Variants in MYO3B observed in about 807,000 individuals in gnomAD.
MYO3B encodes myosin IIIB, also known as myosin-IIIb.
A neutral mutation model predicts 174.6 loss-of-function variants in MYO3B; 156 were observed. The observed-to-expected ratio is 0.89, with a 90% CI of 0.78 to 1.02. The LOEUF is 1.02. MYO3B is among the 50% of genes least tolerant of loss of function. MYO3B has a pLI of 0.00. For missense variants in MYO3B, 1,632 were observed against 1,639.4 expected (o/e 1.00, Z 0.08); for synonymous variants, 563 against 569.1 (o/e 0.99, Z 0.15).
chr2:170,393,290 G>C (rs2094425608), intron 16 of MYO3B, among the ~76,000 whole-genome samples: 1 of 151,744 alleles, frequency 6.6e-6, no homozygotes, highest in Admixed American at 6.6e-5. Context: ...CACCATGTTG[G>C]CCAAGCTGGT....
intron 7 of MYO3B, among the ~76,000 whole-genome samples, chr2:170,324,327 C>T (rs2093849856): frequency 6.6e-6 from 1 of 152,138 alleles, no homozygotes; most frequent in Non-Finnish European, 1.5e-5. Context: ...CAAAAGGATG[C>T]CTCACAGAAC....
chr2:170,401,473 T>G lies in MYO3B; in HGVS notation c.1919-8T>G, dbSNP rs1362153765. 2 of 1,613,688 alleles carry G rather than the reference T, an allele frequency of 1.2e-6. No homozygotes were observed. Among genetic ancestry groups the G allele is most frequent in the Non-Finnish European group, 8.5e-7 (1 of 1,179,744 alleles). ...TACATTCTGTGTTATCCTTACTCTT[T>G]GTTTCAGCTGCCTCTGTTCTGTGCA... On this transcript the variant is annotated splice_polypyrimidine_tract_variant and splice_region_variant and intron_variant, in intron 17 of 34. Coordinates refer to ENST00000408978, the MANE Select transcript of MYO3B (RefSeq NM_138995.5).
In MYO3B at chr2:170,513,454, C is replaced by G. The variant is rs183944247; in HGVS notation, c.3371-1467C>G. Among the ~76,000 whole-genome samples the G allele has an allele frequency of 5.9e-5, 9 of 152,284 alleles. No individual in the cohort carries two copies. In the East Asian group the frequency reaches 1.5e-3, roughly 26 times the overall value. On this transcript the variant is annotated intron_variant, in intron 28 of 34. Transcript: ENST00000408978. ...CAGTTTCCATTGCCATATGCGTTCT[C>G]ACTGAGTCTCTCTGTGTCTTCACGT...
chr2:170,466,529 C>A lies in MYO3B; in HGVS notation c.2832C>A (p.Ser944=). 1 of 1,614,146 alleles carries A rather than the reference C, an allele frequency of 6.2e-7. No individual in the cohort carries two copies. Among genetic ancestry groups the A allele is most frequent in the East Asian group, 2.2e-5 (1 of 44,880 alleles). ...YFRYSLMDLL[S]KMVVGQPHFV... ...AGTATTCTCTGATGGACCTGCTCTCCAAAATGGTGGTTGGACAGCCCCACT... is the reference window on the plus strand; with the variant it reads ...AGTATTCTCTGATGGACCTGCTCTCAAAAATGGTGGTTGGACAGCCCCACT... Residue 944 remains serine, a synonymous_variant, in exon 25 of 35, where the codon TCC becomes TCA. Transcript: ENST00000408978.
At chr2:170,335,735 A>C (rs1435451521) in intron 8 of MYO3B, among the ~76,000 whole-genome samples, 1 of 152,164 alleles carries the variant, frequency 6.6e-6, no homozygotes, top group Admixed American at 6.6e-5. Flanking sequence ...TGTCATGTTT[A>C]ATGGGGAGAG....
chr2:170,444,565 C>T (rs1323843487), intron 23 of MYO3B, among the ~76,000 whole-genome samples: 1 of 152,140 alleles, frequency 6.6e-6, no homozygotes, highest in Non-Finnish European at 1.5e-5. Flanking sequence ...ACACAGTTAT[C>T]TTGAAGGTGT....
At chr2:170,497,061 T>C (rs1686895389) in intron 25 of MYO3B, among the ~76,000 whole-genome samples, 2 of 152,006 alleles carry the variant, frequency 1.3e-5, no homozygotes, top group South Asian at 2.1e-4. Flanking sequence ...TTTGAGAAAA[T>C]AGCAGAGGTA....
chr2:170,551,871 A>G (rs1690945706), intron 32 of MYO3B, among the ~76,000 whole-genome samples: 1 of 151,580 alleles, frequency 6.6e-6, no homozygotes. Flanking sequence ...CATGATTGTG[A>G]ATGAGTTCTT....
At chr2:170,207,329 T>C (rs2092723323) in intron 3 of MYO3B, among the ~76,000 whole-genome samples, 1 of 152,012 alleles carries the variant, frequency 6.6e-6, no homozygotes, top group Non-Finnish European at 1.5e-5. Context: ...TGCATGACCA[T>C]TTGGAGTTTG....
chr2:170,548,407 A>T (rs1310515133), intron 32 of MYO3B, among the ~76,000 whole-genome samples: 1 of 152,216 alleles, frequency 6.6e-6, no homozygotes, highest in East Asian at 1.9e-4. Flanking sequence ...CTCATTCAGC[A>T]GGTCTGAGTG....
intron 29 of MYO3B, among the ~76,000 whole-genome samples, chr2:170,517,850 G>A (rs1688420053): frequency 6.6e-6 from 1 of 151,602 alleles, no homozygotes. Context: ...TCTAACTAGA[G>A]GATTTTATCA....
intron 25 of MYO3B, among the ~76,000 whole-genome samples, chr2:170,483,839 G>A (rs1246263215): frequency 1.3e-5 from 2 of 152,202 alleles, no homozygotes; most frequent in Non-Finnish European, 2.9e-5. Flanking sequence ...CCTAGCTGCA[G>A]ACCTGGCTCT....
intron 28 of MYO3B, among the ~76,000 whole-genome samples, chr2:170,502,091 TG>T (rs1411177877): frequency 5.3e-5 from 8 of 152,198 alleles, no homozygotes; most frequent in Admixed American, 5.2e-4. Flanking sequence ...ATGCTCTGAC[TG>T]GGTTCTCTTG....
chr2:170,179,965 G>A (rs2092377092), intron 1 of MYO3B, among the ~76,000 whole-genome samples: 2 of 152,114 alleles, frequency 1.3e-5, no homozygotes, highest in South Asian at 4.1e-4. Context: ...CTCTAGATTT[G>A]AAAGCATTCT....
At chr2:170,337,281 A>G (rs1283340501) in intron 8 of MYO3B, among the ~76,000 whole-genome samples, 1 of 152,150 alleles carries the variant, frequency 6.6e-6, no homozygotes, top group Non-Finnish European at 1.5e-5. Flanking sequence ...TAAGGTTCCA[A>G]TGATTTTGCT....
intron 23 of MYO3B, among the ~76,000 whole-genome samples, chr2:170,454,557 G>A (rs566122188): frequency 3.3e-5 from 5 of 152,272 alleles, no homozygotes; most frequent in East Asian, 3.9e-4. Context: ...GACAGTGCCC[G>A]AGTCAGCCCC....
At chr2:170,274,163 TGA>T (rs139019779) in intron 7 of MYO3B, among the ~76,000 whole-genome samples, 3 of 147,070 alleles carry the variant, frequency 2.0e-5, no homozygotes, top group Admixed American at 6.8e-5. Flanking sequence ...GGAGAGAGAA[TGA>T]GAGAGAGAGA....
chr2:170,277,286 A>G (rs759152429), intron 7 of MYO3B, among the ~76,000 whole-genome samples: 53 of 152,342 alleles, frequency 3.5e-4, no homozygotes, highest in Non-Finnish European at 1.6e-4. Flanking sequence ...TTGTTAGAGC[A>G]TATTGTGCTT....
chr2:170,645,373 G>A (rs1208271655), intron 32 of MYO3B, among the ~76,000 whole-genome samples: 2 of 151,216 alleles, frequency 1.3e-5, no homozygotes, highest in African/African-American at 4.9e-5. Context: ...TCAAGAGACT[G>A]AGGGAGGAGA....
Sources: gnomAD v4.1 joint callset for allele counts (sites outside exome capture counted in the v4.1 genomes callset) on GRCh38, gnomAD v4.1.1 for gene constraint, MANE v1.5 for transcripts, NCBI Gene and HGNC (gene_info 2026-07-23, HGNC 2026-07-21) for gene names.